TFDP2: variants seen among roughly 807,000 people sequenced by gnomAD.
The protein encoded by TFDP2 is transcription factor Dp-2 (E2F dimerization partner 2).
TFDP2 carries 17 observed loss-of-function variants against 59.3 expected under a neutral mutation model. The observed-to-expected ratio is 0.29, with a 90% CI of 0.20 to 0.43. The LOEUF (loss-of-function observed/expected upper bound fraction) is 0.43, where lower values mean the gene tolerates loss of function less well. Among genes scored for constraint, TFDP2 ranks in the 20% least tolerant of loss-of-function variants. The pLI is 1.00. For synonymous variants in TFDP2, 180 were observed against 194.7 expected (o/e 0.92, Z 0.63); for missense variants, 391 against 528.8 (o/e 0.74, Z 2.56).
rs1576429565 is a variant in TFDP2, at chr3:141,951,017, G to A, written c.*1496C>T. On this transcript the variant is annotated 3_prime_UTR_variant, in exon 13 of 13. Coordinates refer to ENST00000489671, the MANE Select transcript of TFDP2 (RefSeq NM_001178139.2). ...AGCTTCCTCCTCCTCACCATGCTCAGTGTTAGCATGGTGGTGAGGCTATAA... is the reference window on the plus strand; with the variant it reads ...AGCTTCCTCCTCCTCACCATGCTCAATGTTAGCATGGTGGTGAGGCTATAA... 2 of 152,146 alleles carry A rather than the reference G, an allele frequency of 1.3e-5. No individual in the cohort carries two copies. The highest frequency in any genetic ancestry group is 4.8e-5 in the African/African-American group (2 of 41,422). 9.4% of individuals were successfully genotyped at this position (152,146 alleles called of 1,614,324 possible). A position where few individuals can be genotyped will look rare whatever the true frequency, so the allele number is the denominator to read the frequency against.
In TFDP2 at chr3:141,944,859, G is replaced by C. The variant is rs1266833942; in HGVS notation, c.*7654C>G. 6.6e-6 allele frequency: 1 copy of C among 152,182 alleles called. No individual in the cohort carries two copies. The allele number at this position is 152,182 out of a possible 1,614,324, so 9.4% of individuals were successfully genotyped here. Reference sequence around the variant, plus strand: ...ATAATGGCATTTATTTACAAAGTCTGAGATACTACAAAATAATATATCATA... The same window carrying C: ...ATAATGGCATTTATTTACAAAGTCTCAGATACTACAAAATAATATATCATA... On this transcript the variant is annotated 3_prime_UTR_variant, in exon 13 of 13. Coordinates refer to ENST00000489671, the MANE Select transcript of TFDP2 (RefSeq NM_001178139.2).
Position 141,974,029 on chromosome 3 carries a change from A to G in TFDP2, c.663+19T>C. On this transcript the variant is annotated intron_variant, in intron 8 of 12. Coordinates refer to ENST00000489671, the MANE Select transcript of TFDP2 (RefSeq NM_001178139.2). ...AAAATAATGCAAACAGCTATTCATA[A>G]ACAGATTTTCTCACTTACCTCCAGA... is the stretch of plus-strand genomic sequence containing the variant. 1 of 1,605,068 alleles carries G rather than the reference A, an allele frequency of 6.2e-7. No individual in the cohort carries two copies. The highest frequency in any genetic ancestry group is 8.5e-7 in the Non-Finnish European group (1 of 1,177,570).
intron 3 of TFDP2, among the ~76,000 whole-genome samples, chr3:142,058,238 T>C (rs1174094705): frequency 1.2e-4 from 18 of 150,774 alleles, no homozygotes; most frequent in Admixed American, 1.1e-3. Flanking sequence ...ATCATACACA[T>C]AAAATCTACA....
At chr3:142,036,070 TC>T (rs1169539925) in intron 3 of TFDP2, among the ~76,000 whole-genome samples, 1 of 152,188 alleles carries the variant, frequency 6.6e-6, no homozygotes, top group African/African-American at 2.4e-5. Context: ...AATACTGTTC[TC>T]CATGTCATAT....
intron 1 of TFDP2, among the ~76,000 whole-genome samples, chr3:142,148,712 G>C (rs537042855): frequency 6.6e-6 from 1 of 152,192 alleles, no homozygotes; most frequent in African/African-American, 2.4e-5. Flanking sequence ...CCCAAAAAGC[G>C]ATCCTCTACT....
chr3:142,052,198 T>A (rs1947664223), intron 3 of TFDP2, among the ~76,000 whole-genome samples: 1 of 151,818 alleles, frequency 6.6e-6, no homozygotes, highest in Non-Finnish European at 1.5e-5. Context: ...TCTAGGAAAA[T>A]AAAGGAATAT....
chr3:141,953,721 T>C (rs1021472771), intron 11 of TFDP2, among the ~76,000 whole-genome samples: 2 of 151,740 alleles, frequency 1.3e-5, no homozygotes, highest in African/African-American at 2.4e-5. Context: ...CATGCTGGTG[T>C]GCTGCACCGA....
Position 142,110,364 on chromosome 3 carries a change from C to T in TFDP2, c.-92-8523G>A, listed in dbSNP as rs886465818. Among the ~76,000 whole-genome samples the T allele has an allele frequency of 2.0e-5, 3 of 151,998 alleles. No individual in the cohort carries two copies. The East Asian group carries it at 5.8e-4, about 30-fold the overall frequency. Reference sequence around the variant, plus strand: ...ACTAAAAATACAAAAATTAGCCGGGCGTGGCGGCAAGCGCCTATAATCCCA... The same window carrying T: ...ACTAAAAATACAAAAATTAGCCGGGTGTGGCGGCAAGCGCCTATAATCCCA... On this transcript the variant is annotated intron_variant, in intron 1 of 12. Transcript: ENST00000489671.
chr3:141,966,196 G>A (rs113245576), intron 9 of TFDP2, among the ~76,000 whole-genome samples: 6 of 151,704 alleles, frequency 4.0e-5, no homozygotes, highest in Non-Finnish European at 7.4e-5. Flanking sequence ...TTTTTGAGAC[G>A]GAGTCTCACT....
At position 142,014,874 on chromosome 3, in the gene TFDP2, C is replaced by G. The variant is rs76233758; in HGVS notation, c.83-9330G>C. 4.6e-3 allele frequency among the ~76,000 whole-genome samples: 701 copies of G among 152,248 alleles called. 9 individuals carry two copies. The highest frequency in any genetic ancestry group is 0.016 in the African/African-American group (672 of 41,540). Reference sequence around the variant, plus strand: ...CCTCCAGTTACCAACTAATTTGTTGCCCTCTACAGCAAAACTACTCACAAA... The same window carrying G: ...CCTCCAGTTACCAACTAATTTGTTGGCCTCTACAGCAAAACTACTCACAAA... On this transcript the variant is annotated intron_variant, in intron 3 of 12. Transcript: ENST00000489671.
intron 6 of TFDP2, chr3:141,989,347 GGTT>G (rs1416887030): frequency 2.0e-5 from 3 of 152,234 alleles, no homozygotes; most frequent in African/African-American, 7.2e-5. Flanking sequence ...CTTAACTTCA[GGTT>G]GTATTTGCTG....
chr3:142,050,726 T>C (rs548895501), intron 3 of TFDP2, among the ~76,000 whole-genome samples: 60 of 151,820 alleles, frequency 4.0e-4, no homozygotes, highest in African/African-American at 1.3e-3. Flanking sequence ...AATAAATATA[T>C]ACTCCCAGCT....
At chr3:142,105,927 GAC>G (rs754040395) in intron 1 of TFDP2, among the ~76,000 whole-genome samples, 1 of 151,310 alleles carries the variant, frequency 6.6e-6, no homozygotes, top group East Asian at 1.9e-4. Context: ...AAATTACTAA[GAC>G]ACTGCCTAGC....
At chr3:142,138,265 T>C (rs2062810704) in intron 1 of TFDP2, among the ~76,000 whole-genome samples, 1 of 152,180 alleles carries the variant, frequency 6.6e-6, no homozygotes, top group South Asian at 2.1e-4. Flanking sequence ...TCTTCTCTCC[T>C]CTTTATTAGT....
At chr3:142,104,919 G>A (rs895134471) in intron 1 of TFDP2, among the ~76,000 whole-genome samples, 1 of 152,266 alleles carries the variant, frequency 6.6e-6, no homozygotes, top group Middle Eastern at 3.4e-3. Context: ...AAATAAAGCA[G>A]CAGTGCAGTA....
chr3:142,008,256 C>T (rs963903343), intron 3 of TFDP2, among the ~76,000 whole-genome samples: 9 of 151,956 alleles, frequency 5.9e-5, no homozygotes, highest in Non-Finnish European at 1.3e-4. Context: ...TACTAGATAT[C>T]CTACCTCTAA....
chr3:142,142,090 C>T (rs1005226985), intron 1 of TFDP2, among the ~76,000 whole-genome samples: 2 of 152,076 alleles, frequency 1.3e-5, no homozygotes. Context: ...TACTGGAAGT[C>T]CTATCTAGAG....
intron 8 of TFDP2, among the ~76,000 whole-genome samples, chr3:141,973,118 TATATA>T (rs1180696250): frequency 6.0e-4 from 53 of 87,606 alleles, no homozygotes; most frequent in South Asian, 3.9e-3. Context: ...TATATATATA[TATATA>T]TTTTTTTTTT....
At chr3:142,120,702 G>A (rs1385184482) in intron 1 of TFDP2, among the ~76,000 whole-genome samples, 1 of 152,152 alleles carries the variant, frequency 6.6e-6, no homozygotes, top group Admixed American at 6.5e-5. Flanking sequence ...AGAGAACTGA[G>A]GTGGAGACCA....
Sources: allele counts gnomAD v4.1 joint callset (sites outside exome capture counted in the v4.1 genomes callset), GRCh38; gene constraint gnomAD v4.1.1; transcripts MANE v1.5; gene names NCBI Gene and HGNC (gene_info 2026-07-23, HGNC 2026-07-21).